The following PAK5 variants were observed in gnomAD, a reference collection of about 807,000 sequenced individuals.
The protein encoded by PAK5 is serine/threonine-protein kinase PAK 5.
PAK5 carries 16 observed loss-of-function variants against 65.9 expected under a neutral mutation model. The ratio of observed to expected loss-of-function variants is 0.24; its 90% CI spans 0.16 to 0.37. The LOEUF (loss-of-function observed/expected upper bound fraction) is 0.37, where lower values mean the gene tolerates loss of function less well. Among genes scored for constraint, PAK5 ranks in the 10% least tolerant of loss-of-function variants. PAK5 has a pLI of 1.00. For missense variants in PAK5, 785 were observed against 903.9 expected (o/e 0.87, Z 1.69); for synonymous variants, 371 against 354.9 (o/e 1.05, Z -0.51).
At chr20:9,721,709 G>T (rs554571678) in intron 1 of PAK5, among the ~76,000 whole-genome samples, 26 of 145,506 alleles carry the variant, frequency 1.8e-4, no homozygotes, top group Non-Finnish European at 2.8e-4. Context: ...CACAAAGCTT[G>T]CTATCAAAGC....
intron 3 of PAK5, among the ~76,000 whole-genome samples, chr20:9,596,747 T>C (rs773619829): frequency 2.0e-5 from 3 of 149,666 alleles, no homozygotes; most frequent in Non-Finnish European, 4.4e-5. Flanking sequence ...TAAATAAGAA[T>C]CTCTGGGGTA....
chr20:9,558,071 C>CATTCATTCA (rs2045538449), intron 6 of PAK5, among the ~76,000 whole-genome samples: 1 of 151,214 alleles, frequency 6.6e-6, no homozygotes, highest in African/African-American at 2.4e-5. Flanking sequence ...TTCATTCATT[C>CATTCATTCA]TTTGAGATGG....
chr20:9,613,727 T>C (rs967885106), intron 3 of PAK5, among the ~76,000 whole-genome samples: 2 of 152,166 alleles, frequency 1.3e-5, no homozygotes, highest in African/African-American at 2.4e-5. Flanking sequence ...AAAACCCAAC[T>C]CCATTTCCCC....
intron 1 of PAK5, among the ~76,000 whole-genome samples, chr20:9,758,674 G>A (rs1011370871): frequency 6.6e-6 from 1 of 152,126 alleles, no homozygotes; most frequent in Non-Finnish European, 1.5e-5. Context: ...TAAAATTCAA[G>A]GCTTTCCCCC....
intron 4 of PAK5, among the ~76,000 whole-genome samples, chr20:9,572,492 G>T (rs1424417887): frequency 1.3e-5 from 2 of 152,152 alleles, no homozygotes; most frequent in Non-Finnish European, 2.9e-5. Flanking sequence ...TCTTTTCTAT[G>T]ACCTGATTTA....
At chr20:9,814,135 C>T (rs987593998) in intron 1 of PAK5, among the ~76,000 whole-genome samples, 1 of 151,918 alleles carries the variant, frequency 6.6e-6, no homozygotes, top group Non-Finnish European at 1.5e-5. Context: ...ACAGGATGGC[C>T]AGGCAGAGAA....
intron 6 of PAK5, among the ~76,000 whole-genome samples, chr20:9,561,347 C>T (rs1394730212): frequency 1.3e-5 from 2 of 152,106 alleles, no homozygotes; most frequent in African/African-American, 2.4e-5. Context: ...AAAGGTTTCT[C>T]CCCTGAATAT....
At chr20:9,677,380 T>C (rs1000796692) in intron 2 of PAK5, among the ~76,000 whole-genome samples, 1 of 152,132 alleles carries the variant, frequency 6.6e-6, no homozygotes, top group African/African-American at 2.4e-5. Flanking sequence ...GCTTGTAGAC[T>C]CTCAGATATA....
At chr20:9,810,201 G>A (rs1259162279) in intron 1 of PAK5, among the ~76,000 whole-genome samples, 1 of 152,152 alleles carries the variant, frequency 6.6e-6, no homozygotes, top group Non-Finnish European at 1.5e-5. Context: ...ATGGGGTCCA[G>A]AGGTTGTAAA....
chr20:9,692,892 A>G (rs368561201), intron 2 of PAK5, among the ~76,000 whole-genome samples: 2 of 152,104 alleles, frequency 1.3e-5, no homozygotes, highest in East Asian at 3.9e-4. Context: ...AAATAAATAA[A>G]TACATTACTC....
intron 3 of PAK5, among the ~76,000 whole-genome samples, chr20:9,595,287 T>C (rs942626054): frequency 3.9e-5 from 6 of 152,140 alleles, no homozygotes; most frequent in African/African-American, 1.4e-4. Context: ...ATTATGCTCC[T>C]AGAATGCATT....
chr20:9,784,866 C>T (rs923015750), intron 1 of PAK5, among the ~76,000 whole-genome samples: 4 of 151,722 alleles, frequency 2.6e-5, no homozygotes, highest in Admixed American at 2.6e-4. Context: ...GTCTGCCTTA[C>T]CTAAGCTCTT....
chr20:9,738,562 GA>G (rs1432799788), intron 1 of PAK5, among the ~76,000 whole-genome samples: 1 of 151,918 alleles, frequency 6.6e-6, no homozygotes, highest in Non-Finnish European at 1.5e-5. Context: ...GAAGCCAGAG[GA>G]AAAAAACATA....
chr20:9,734,552 G>GCA lies in PAK5; in HGVS notation c.-161-23119_-161-23118dup, dbSNP rs56706449. Reference sequence around the variant, plus strand: ...GACTGATAGACACACACGCGCACATGCACACACACACACACACACACATAC... The same window carrying GCA: ...GACTGATAGACACACACGCGCACATGCACACACACACACACACACACACATAC... On this transcript the variant is annotated intron_variant, in intron 1 of 9. Coordinates refer to ENST00000353224, the MANE Select transcript of PAK5 (RefSeq NM_177990.4). 2.0e-3 allele frequency among the ~76,000 whole-genome samples: 299 copies of GCA among 149,450 alleles called. 2 individuals carry two copies. Among genetic ancestry groups the GCA allele is most frequent in the East Asian group, 0.012 (61 of 5,042 alleles).
intron 1 of PAK5, among the ~76,000 whole-genome samples, chr20:9,819,857 C>T (rs1313008184): frequency 6.6e-6 from 1 of 152,038 alleles, no homozygotes; most frequent in Non-Finnish European, 1.5e-5. Flanking sequence ...AACTATTGGG[C>T]TAGAGAGTAT....
chr20:9,600,978 G>C (rs556318318), intron 3 of PAK5, among the ~76,000 whole-genome samples: 5 of 152,286 alleles, frequency 3.3e-5, no homozygotes, highest in Non-Finnish European at 7.4e-5. Context: ...TGGAGGTTAA[G>C]AGTCCCACTC....
intron 1 of PAK5, among the ~76,000 whole-genome samples, chr20:9,717,669 G>C (rs747154430): frequency 1.4e-4 from 21 of 152,152 alleles, no homozygotes; most frequent in Admixed American, 7.9e-4. Flanking sequence ...GCCCAGGCTG[G>C]AGTGCAGTGG....
chr20:9,676,884 T>G (rs548114741), intron 2 of PAK5, among the ~76,000 whole-genome samples: 9 of 152,344 alleles, frequency 5.9e-5, no homozygotes, highest in African/African-American at 9.6e-5. Context: ...TTAATGCATA[T>G]CTGATATTCT....
At chr20:9,543,081 C>T (rs575973409) in intron 8 of PAK5, among the ~76,000 whole-genome samples, 1 of 152,268 alleles carries the variant, frequency 6.6e-6, no homozygotes, top group South Asian at 2.1e-4. Context: ...GTATTTAAAC[C>T]ATAAGCAAAT....
Sources: gnomAD v4.1 joint callset for allele counts (sites outside exome capture counted in the v4.1 genomes callset) on GRCh38, gnomAD v4.1.1 for gene constraint, MANE v1.5 for transcripts, NCBI Gene and HGNC (gene_info 2026-07-23, HGNC 2026-07-21) for gene names.